SLC16A12: variants seen among roughly 807,000 people sequenced by gnomAD.
SLC16A12 encodes the protein monocarboxylate transporter 12.
SLC16A12 carries 17 observed loss-of-function variants against 42.4 expected under a neutral mutation model. The ratio of observed to expected loss-of-function variants is 0.40; its 90% CI spans 0.27 to 0.60. The LOEUF is 0.60. SLC16A12 is among the 20% of genes least tolerant of loss of function. The pLI is 0.42. For missense variants in SLC16A12, 544 were observed against 623.0 expected (o/e 0.87, Z 1.35); for synonymous variants, 224 against 229.4 (o/e 0.98, Z 0.21).
chr10:89,468,941 C>A (rs564665937), intron 2 of SLC16A12, among the ~76,000 whole-genome samples: 1 of 152,086 alleles, frequency 6.6e-6, no homozygotes, highest in African/African-American at 2.4e-5. Flanking sequence ...ACCAGCCTGG[C>A]CAACATGGCG....
At chr10:89,446,092 A>C (rs979536225) in intron 3 of SLC16A12, among the ~76,000 whole-genome samples, 1 of 152,210 alleles carries the variant, frequency 6.6e-6, no homozygotes, top group Non-Finnish European at 1.5e-5. Context: ...AGCCTCCAAG[A>C]AATATGGGAC....
At chr10:89,552,020 C>A (rs771637258) in intron 2 of SLC16A12, among the ~76,000 whole-genome samples, 1 of 152,210 alleles carries the variant, frequency 6.6e-6, no homozygotes. Context: ...ACTGCAACCT[C>A]CACTTCCCAG....
At chr10:89,493,190 G>A in intron 2 of SLC16A12, among the ~76,000 whole-genome samples, 1 of 151,294 alleles carries the variant, frequency 6.6e-6, no homozygotes, top group East Asian at 1.9e-4. Context: ...TCTCTGTTAA[G>A]TAAATAAATG....
In SLC16A12 at chr10:89,462,644, C is replaced by T; in HGVS notation, c.-46-20G>A. 1 of 1,526,498 alleles carries T rather than the reference C, an allele frequency of 6.6e-7. No homozygotes were observed. Among genetic ancestry groups the T allele is most frequent in the Non-Finnish European group, 8.7e-7 (1 of 1,144,278 alleles). 94.6% of individuals were successfully genotyped at this position (1,526,498 alleles called of 1,614,324 possible). ...CGCCATCTAAAACCAAAAATCAGGA[C>T]ATATTTATATCTTATTGCTATGTCC... On this transcript the variant is annotated intron_variant, in intron 2 of 7. Coordinates refer to ENST00000371790, the MANE Select transcript of SLC16A12 (RefSeq NM_213606.4).
At chr10:89,482,737 C>T (rs1822128750) in intron 2 of SLC16A12, among the ~76,000 whole-genome samples, 1 of 150,020 alleles carries the variant, frequency 6.7e-6, no homozygotes, top group South Asian at 2.1e-4. Context: ...GAGACAAGAT[C>T]ACACTACTGA....
chr10:89,554,584 C>A (rs1167395591), intron 2 of SLC16A12, among the ~76,000 whole-genome samples: 1 of 152,116 alleles, frequency 6.6e-6, no homozygotes, highest in Non-Finnish European at 1.5e-5. Flanking sequence ...AAAGTGTTTG[C>A]TTTGCCACCT....
intron 2 of SLC16A12, among the ~76,000 whole-genome samples, chr10:89,542,018 A>T (rs1269846605): frequency 1.3e-5 from 2 of 152,232 alleles, no homozygotes; most frequent in Non-Finnish European, 2.9e-5. Flanking sequence ...CCCAGGGGCG[A>T]TAGTGCCTTT....
At chr10:89,433,389 A>C in intron 7 of SLC16A12, 63 bp from the exon 8 acceptor site, 2 of 1,539,310 alleles carry the variant, frequency 1.3e-6, no homozygotes, top group Non-Finnish European at 1.8e-6. Context: ...ACCCACTCTC[A>C]AATTCTAATG....
At chr10:89,455,271 A>T in intron 3 of SLC16A12, among the ~76,000 whole-genome samples, 1 of 152,126 alleles carries the variant, frequency 6.6e-6, no homozygotes, top group Non-Finnish European at 1.5e-5. Flanking sequence ...ATAAATAATA[A>T]TCTCTTTTTT....
At chr10:89,439,499 A>G (rs1157793987) in intron 5 of SLC16A12, among the ~76,000 whole-genome samples, 1 of 152,244 alleles carries the variant, frequency 6.6e-6, no homozygotes, top group Non-Finnish European at 1.5e-5. Context: ...ATGCCAACCA[A>G]AGAAACTTAT....
At chr10:89,541,374 C>T (rs939274427) in intron 2 of SLC16A12, among the ~76,000 whole-genome samples, 2 of 152,086 alleles carry the variant, frequency 1.3e-5, no homozygotes, top group Non-Finnish European at 2.9e-5. Flanking sequence ...ACCAGAGGAT[C>T]ACTTGAGGCC....
intron 3 of SLC16A12, among the ~76,000 whole-genome samples, chr10:89,445,122 C>T (rs1841978044): frequency 6.6e-6 from 1 of 152,254 alleles, no homozygotes; most frequent in South Asian, 2.1e-4. Flanking sequence ...GAGCCCACTG[C>T]AGCTCAACCA....
intron 3 of SLC16A12, among the ~76,000 whole-genome samples, chr10:89,448,860 A>G (rs1842045910): frequency 6.6e-6 from 1 of 152,232 alleles, no homozygotes; most frequent in Non-Finnish European, 1.5e-5. Context: ...AGAAAACCCC[A>G]TCGTCTCAGC....
chr10:89,456,312 A>G (rs1842188684), intron 3 of SLC16A12: 1 of 152,224 alleles, frequency 6.6e-6, no homozygotes, highest in African/African-American at 2.4e-5. Context: ...AGAGTTCAAA[A>G]GAACTCTACA....
At position 89,432,221 on chromosome 10, in the gene SLC16A12, T is replaced by C. The variant is rs905446344; in HGVS notation, c.*843A>G. 2 of 152,580 alleles carry C rather than the reference T, an allele frequency of 1.3e-5. No individual in the cohort carries two copies. Among genetic ancestry groups the C allele is most frequent in the East Asian group, 1.9e-4 (1 of 5,196 alleles). 9.5% of individuals were successfully genotyped at this position (152,580 alleles called of 1,614,324 possible). A position where few individuals can be genotyped will look rare whatever the true frequency, so the allele number is the denominator to read the frequency against. ...GGTGTTGTTGACATTTCAGGTAAGATTGAGAGGTTGTCCTTGTGACTAAGT... is the reference window on the plus strand; with the variant it reads ...GGTGTTGTTGACATTTCAGGTAAGACTGAGAGGTTGTCCTTGTGACTAAGT... On this transcript the variant is annotated 3_prime_UTR_variant, in exon 8 of 8. Transcript: ENST00000371790.
intron 2 of SLC16A12, among the ~76,000 whole-genome samples, chr10:89,469,306 TACAGTGCAAGTTGGGATATATTC>T (rs1842457284): frequency 6.6e-6 from 1 of 152,242 alleles, no homozygotes; most frequent in African/African-American, 2.4e-5. Flanking sequence ...GATTACTGTT[TACAGTGCAAGTTGGGATATATTC>T]TCAATTTCAC....
chr10:89,552,872 T>C (rs1843779933), intron 2 of SLC16A12, among the ~76,000 whole-genome samples: 1 of 152,186 alleles, frequency 6.6e-6, no homozygotes, highest in Admixed American at 6.5e-5. Flanking sequence ...ATCAAAGAAA[T>C]GGTACTTTCT....
chr10:89,487,809 C>CAAAA (rs71022569), intron 2 of SLC16A12, among the ~76,000 whole-genome samples: 10 of 84,692 alleles, frequency 1.2e-4, no homozygotes, highest in Non-Finnish European at 1.5e-4. Flanking sequence ...GATTCTGTCT[C>CAAAA]AAAAAAAAAA....
chr10:89,431,098 A>G lies in SLC16A12; in HGVS notation c.*1966T>C. 4.9e-6 allele frequency: 1 copy of G among 202,484 alleles called. No homozygotes were observed. Among genetic ancestry groups the G allele is most frequent in the Non-Finnish European group, 9.9e-6 (1 of 101,122 alleles). The allele number at this position is 202,484 out of a possible 1,614,324, so 12.5% of individuals were successfully genotyped here. A position where few individuals can be genotyped will look rare whatever the true frequency, so the allele number is the denominator to read the frequency against. ...CTGCAACCTCCACCTCCTGGGTTCA[A>G]GCGATTGTCCGGCCTCAGCCTCATG... is the stretch of plus-strand genomic sequence containing the variant. On this transcript the variant is annotated 3_prime_UTR_variant, in exon 8 of 8. Transcript: ENST00000371790.
Sources: allele counts gnomAD v4.1 joint callset (sites outside exome capture counted in the v4.1 genomes callset), GRCh38; gene constraint gnomAD v4.1.1; transcripts MANE v1.5; gene names NCBI Gene and HGNC (gene_info 2026-07-23, HGNC 2026-07-21).